Variants in DNAH8 observed in about 807,000 individuals in gnomAD.
The protein encoded by DNAH8 is dynein axonemal heavy chain 8.
DNAH8 carries 382 observed loss-of-function variants against 562.1 expected under a neutral mutation model. The ratio of observed to expected loss-of-function variants is 0.68; its 90% CI spans 0.63 to 0.74. The LOEUF (loss-of-function observed/expected upper bound fraction) is 0.74, where lower values mean the gene tolerates loss of function less well. DNAH8 is among the 30% of genes least tolerant of loss of function. The pLI, the probability that DNAH8 is intolerant of heterozygous loss-of-function variation, is 0.00. For missense variants in DNAH8, 5,203 were observed against 5,620.4 expected, an observed-to-expected ratio of 0.93 and a Z score of 2.37; for synonymous variants, 1,881 against 1,919.4, an observed-to-expected ratio of 0.98 and a Z score of 0.52.
Position 38,743,113 on chromosome 6 carries a change from G to A in DNAH8, c.1293+1226G>A, listed in dbSNP as rs117582970. Among the ~76,000 whole-genome samples the A allele has an allele frequency of 5.5e-5, 8 of 146,596 alleles. No homozygotes were observed. The Admixed American group carries it at 5.6e-4, about 10-fold the overall frequency. On this transcript the variant is annotated intron_variant, in intron 8 of 92. Coordinates refer to ENST00000327475, the MANE Select transcript of DNAH8 (RefSeq NM_001206927.2). ...GCTCACTGCAGCCTCAACCTTCCAG[G>A]CTTAAGCCATCCTCCCACCTCAGCC... is the stretch of plus-strand genomic sequence containing the variant.
In DNAH8 at chr6:38,990,153, CA is replaced by C. The variant is rs1429769684; in HGVS notation, c.13196del (p.His4399ProfsTer48). ...AGATAACCCTGAAGTCTTTGGGCTT[CA>C]CCCTAATGCTGATATCACGTAAGTC... ...SLDNPEVFGLHPNADITYQSN... is the reference protein window; with the variant it reads ...SLDNPEVFGLXPNADITYQSN... On this transcript the variant is annotated frameshift_variant, in exon 88 of 93. Transcript: ENST00000327475. LOFTEE classifies it high-confidence loss of function. The C allele has an allele frequency of 6.2e-7, 1 of 1,606,360 alleles. No homozygotes were observed. Among genetic ancestry groups the C allele is most frequent in the East Asian group, 2.2e-5 (1 of 44,804 alleles).
Position 38,807,640 on chromosome 6 carries a change from C to T in DNAH8, c.3181C>T (p.His1061Tyr). The change falls in exon 24 of 93, where the codon CAT becomes TAT. Residue 1061 changes from histidine (H) to tyrosine (Y), a missense_variant. Physicochemically the swap from His to Tyr is moderately conservative, Grantham distance 83. Coordinates refer to ENST00000327475, the MANE Select transcript of DNAH8 (RefSeq NM_001206927.2). ...TAAAGAGGTCTTTGCTTTTTTCTCT[C>T]ATCAATTACTAGACAGTCTTCAAAA... ...ECKEVFAFFSHQLLDSLQKAT... is the reference protein window; with the variant it reads ...ECKEVFAFFSYQLLDSLQKAT... 1 of 1,557,584 alleles carries T rather than the reference C, an allele frequency of 6.4e-7. No homozygotes were observed. The highest frequency in any genetic ancestry group is 1.3e-5 in the South Asian group (1 of 77,196).
chr6:39,001,901 G>T (rs914320160), intron 88 of DNAH8, among the ~76,000 whole-genome samples: 1 of 152,062 alleles, frequency 6.6e-6, no homozygotes, highest in Non-Finnish European at 1.5e-5. Flanking sequence ...GGATGACGGT[G>T]GGTCACGGGG....
At chr6:38,808,643 A>G (rs1255771999) in intron 24 of DNAH8, among the ~76,000 whole-genome samples, 2 of 152,196 alleles carry the variant, frequency 1.3e-5, no homozygotes, top group Admixed American at 6.5e-5. Context: ...ATGCACACGT[A>G]TGTTTACTGT....
intron 16 of DNAH8, 120 bp from the exon 17 acceptor site, chr6:38,782,884 G>A: frequency 2.2e-6 from 2 of 909,052 alleles, no homozygotes; most frequent in Non-Finnish European, 1.6e-6. Flanking sequence ...TTACTGTGAG[G>A]CAGAATCTAA....
Position 38,906,334 on chromosome 6 carries a change from TC to T in DNAH8, c.9276del (p.Phe3092LeufsTer8). The part of the protein sequence containing the change: ...VAGADGKGIT[F>X]IFTDSEIKDE... ...GGTGCTGATGGAAAAGGCATCACTT[TC>T]ATCTTTACTGACAGTGAAATAAAAG... On this transcript the variant is annotated frameshift_variant, in exon 63 of 93. Coordinates refer to ENST00000327475, the MANE Select transcript of DNAH8 (RefSeq NM_001206927.2). LOFTEE classifies it high-confidence loss of function. 6.2e-7 allele frequency: 1 copy of T among 1,611,212 alleles called. No individual in the cohort carries two copies. Among genetic ancestry groups the T allele is most frequent in the Non-Finnish European group, 8.5e-7 (1 of 1,178,460 alleles).
At position 38,985,747 on chromosome 6, in the gene DNAH8, A is replaced by G. The variant is rs181097461; in HGVS notation, c.13053+1440A>G. Among the ~76,000 whole-genome samples the G allele has an allele frequency of 5.3e-5, 8 of 152,374 alleles. No individual in the cohort carries two copies. In the East Asian group the frequency reaches 9.6e-4, roughly 18 times the overall value. On this transcript the variant is annotated intron_variant, in intron 87 of 92. Coordinates refer to ENST00000327475, the MANE Select transcript of DNAH8 (RefSeq NM_001206927.2). ...GTGTGTGGAGCTGAAGGCAAGCATC[A>G]TAGATGGTTTTCCTGGAAGCAGAGG...
At chr6:38,909,932 G>C (rs917685281) in intron 65 of DNAH8, among the ~76,000 whole-genome samples, 188 bp downstream of exon 65, 2 of 152,160 alleles carry the variant, frequency 1.3e-5, no homozygotes, top group Non-Finnish European at 2.9e-5. Flanking sequence ...ATTTAAAAAC[G>C]AACTAGTGTC....
intron 27 of DNAH8, 81 bp from the exon 28 acceptor site, chr6:38,823,481 A>T: frequency 9.0e-7 from 1 of 1,115,678 alleles, no homozygotes; most frequent in Non-Finnish European, 1.3e-6. Flanking sequence ...AATGTGTATG[A>T]GCAAATGCAA....
In DNAH8 at chr6:38,949,437, G is replaced by T. The variant is rs1761704193; in HGVS notation, c.12130-15G>T. On this transcript the variant is annotated splice_polypyrimidine_tract_variant and intron_variant, in intron 80 of 92. Coordinates refer to ENST00000327475, the MANE Select transcript of DNAH8 (RefSeq NM_001206927.2). ...ATATAGTTCTGTGGCTTGCTAATTG[G>T]CTTGCTTCTTTTAGATATCTCGTAA... is the stretch of plus-strand genomic sequence containing the variant. The T allele has an allele frequency of 2.0e-6, 3 of 1,505,312 alleles. No homozygotes were observed. The highest frequency in any genetic ancestry group is 2.8e-6 in the Non-Finnish European group (3 of 1,081,288). 93.2% of individuals were successfully genotyped at this position (1,505,312 alleles called of 1,614,324 possible).
At chr6:38,744,865 T>C (rs1764802212) in intron 8 of DNAH8, among the ~76,000 whole-genome samples, 1 of 152,224 alleles carries the variant, frequency 6.6e-6, no homozygotes, top group African/African-American at 2.4e-5. Context: ...CCCAAAGTGT[T>C]GGGATTACAG....
At chr6:38,977,404 C>T (rs1031667026) in intron 85 of DNAH8, among the ~76,000 whole-genome samples, 3 of 152,210 alleles carry the variant, frequency 2.0e-5, no homozygotes, top group Non-Finnish European at 4.4e-5. Flanking sequence ...AGTGATGTCT[C>T]TGCTTTTGCC....
intron 29 of DNAH8, among the ~76,000 whole-genome samples, chr6:38,827,906 G>T (rs150386877): frequency 1.3e-4 from 19 of 151,596 alleles, no homozygotes; most frequent in African/African-American, 3.6e-4. Flanking sequence ...ATCTTACGTG[G>T]TGTTGACATA....
rs1365186126 is a variant in DNAH8 at position 38,853,221 on chromosome 6, G to T, written c.5607G>T (p.Glu1869Asp). The change falls in exon 41 of 93, where the codon GAG becomes GAT. Residue 1869 changes from glutamate to aspartate, a missense_variant. Physicochemically the swap from Glu to Asp is conservative, Grantham distance 45 (BLOSUM62 2). Coordinates refer to ENST00000327475, the MANE Select transcript of DNAH8 (RefSeq NM_001206927.2). The stretch of plus-strand genomic sequence containing the variant: ...CTGTTATGGCCAAAGGTCCTGTGGA[G>T]ATTTGGCTACTGGATTTGTTAAAAA... ...DNSVMAKGPV[E>D]IWLLDLLKMQ... 5 of 1,612,940 alleles carry T rather than the reference G, an allele frequency of 3.1e-6. No homozygotes were observed. Among genetic ancestry groups the T allele is most frequent in the Non-Finnish European group, 4.2e-6 (5 of 1,179,436 alleles).
rs780652669 is a variant in DNAH8, at chr6:38,924,160, A to G, written c.10960A>G (p.Thr3654Ala). The change falls in exon 73 of 93, where the codon ACT becomes GCT. Residue 3654 changes from threonine (T) to alanine (A), a missense_variant and splice_region_variant. Physicochemically the swap from Thr to Ala is moderately conservative, Grantham distance 58 (BLOSUM62 0). Transcript: ENST00000327475. ...TATTTCAATGTTGGTGGATCCTCCA[A>G]CTGTAAGTTTTACTTTCCCAATGTT... ...NLISMLVDPPTIGEWGLQGLP... is the reference protein window; with the variant it reads ...NLISMLVDPPAIGEWGLQGLP... 6.2e-7 allele frequency: 1 copy of G among 1,612,778 alleles called. No individual in the cohort carries two copies. The highest frequency in any genetic ancestry group is 1.7e-5 in the Admixed American group (1 of 59,864).
At chr6:38,848,588 A>G in intron 36 of DNAH8, 60 bp from the exon 37 acceptor site, 21 of 1,376,950 alleles carry the variant, frequency 1.5e-5, no homozygotes, top group Non-Finnish European at 2.1e-5. Flanking sequence ...TACTTCGGTA[A>G]GGCCATACTA....
intron 28 of DNAH8, among the ~76,000 whole-genome samples, chr6:38,824,568 A>G (rs573084489): frequency 6.6e-6 from 1 of 152,276 alleles, no homozygotes; most frequent in East Asian, 1.9e-4. Context: ...ATTCTCAGAC[A>G]ATATTTGAAT....
At chr6:38,936,885 T>C (rs1189081540) in intron 77 of DNAH8, among the ~76,000 whole-genome samples, 1 of 152,168 alleles carries the variant, frequency 6.6e-6, no homozygotes, top group Non-Finnish European at 1.5e-5. Flanking sequence ...GCCAGAGTGC[T>C]GCTGTTCGCA....
chr6:38,753,222 T>A (rs1765616870), intron 9 of DNAH8, among the ~76,000 whole-genome samples: 1 of 152,212 alleles, frequency 6.6e-6, no homozygotes, highest in Non-Finnish European at 1.5e-5. Context: ...TTCTTAGGTA[T>A]TTCTGTGCAC....
Sources: allele counts gnomAD v4.1 joint callset (sites outside exome capture counted in the v4.1 genomes callset), GRCh38; gene constraint gnomAD v4.1.1; transcripts MANE v1.5; gene names NCBI Gene and HGNC (gene_info 2026-07-23, HGNC 2026-07-21).